UQCC1: variants seen among roughly 807,000 people sequenced by gnomAD.
The protein encoded by UQCC1 is bFGF-repressed Zic-binding protein.
UQCC1 carries 38 observed loss-of-function variants against 48.0 expected under a neutral mutation model. The observed-to-expected ratio is 0.79, with a 90% CI of 0.61 to 1.04. The LOEUF is 1.04. Ranked by LOEUF, UQCC1 falls within the 50% of genes least tolerant of loss-of-function variation. UQCC1 has a pLI of 0.00. For synonymous variants in UQCC1, 111 were observed against 129.2 expected (o/e 0.86, Z 0.95); for missense variants, 368 against 381.8 (o/e 0.96, Z 0.30).
intron 5 of UQCC1, among the ~76,000 whole-genome samples, chr20:35,370,273 C>G (rs2061716108): frequency 1.3e-5 from 2 of 150,980 alleles, no homozygotes; most frequent in South Asian, 4.2e-4. Flanking sequence ...TCTTGAACTC[C>G]TCAGCTCAAG....
chr20:35,316,391 G>T (rs2061059339), intron 7 of UQCC1, among the ~76,000 whole-genome samples: 1 of 152,140 alleles, frequency 6.6e-6, no homozygotes, highest in Admixed American at 6.5e-5. Flanking sequence ...ATAAAGCTGA[G>T]ATCAGCATCC....
In UQCC1 at chr20:35,384,042, C is replaced by T. The variant is rs981500822; in HGVS notation, c.221G>A (p.Arg74His). 17 of 1,610,876 alleles carry T rather than the reference C, an allele frequency of 1.1e-5. No individual in the cohort carries two copies. Among genetic ancestry groups the T allele is most frequent in the Admixed American group, 5.0e-5 (3 of 59,922 alleles). Residue 74 changes from arginine (R) to histidine (H), a missense_variant, in exon 3 of 10, where the codon CGT becomes CAT. Transcript: ENST00000374385. ...GAATGCACTGATAATTCTCACCTTA[C>T]GTGTGGTGTGATACTTCCTATTCAG... The part of the protein sequence containing the change: ...IQLNRKYHTT[R>H]KLSTTKDSPQ...
At chr20:35,327,189 A>C (rs1339122285) in intron 7 of UQCC1, among the ~76,000 whole-genome samples, 1 of 152,204 alleles carries the variant, frequency 6.6e-6, no homozygotes, top group Non-Finnish European at 1.5e-5. Flanking sequence ...GGTCACCCTA[A>C]TGAACTGAAT....
intron 5 of UQCC1, among the ~76,000 whole-genome samples, chr20:35,371,213 T>C (rs2146452579): frequency 6.6e-6 from 1 of 152,314 alleles, no homozygotes; most frequent in African/African-American, 2.4e-5. Flanking sequence ...CCTTCAATAA[T>C]GAACAGCTGG....
intron 7 of UQCC1, among the ~76,000 whole-genome samples, chr20:35,342,049 C>A (rs558351584): frequency 5.9e-4 from 90 of 152,248 alleles, no homozygotes; most frequent in Non-Finnish European, 1.2e-3. Context: ...AAGTTCAGCC[C>A]ACAGTTCCTC....
At chr20:35,313,475 A>G (rs1310333558) in intron 8 of UQCC1, among the ~76,000 whole-genome samples, 1 of 152,054 alleles carries the variant, frequency 6.6e-6, no homozygotes, top group Admixed American at 6.5e-5. Context: ...CAAGTTGCAG[A>G]ATCATGTGTC....
chr20:35,308,459 C>G (rs3795159), intron 8 of UQCC1, among the ~76,000 whole-genome samples: 71,181 of 152,220 alleles, frequency 0.47, 17,976 homozygotes, highest in African/African-American at 0.67. Context: ...ATTGGGAGCG[C>G]GTGTTATGGG....
At position 35,411,971 on chromosome 20, in the gene UQCC1, A is replaced by C; in HGVS notation, c.-8T>G. On this transcript the variant is annotated 5_prime_UTR_variant, in exon 1 of 10. The change creates a new upstream start codon in the 5' untranslated region. Coordinates refer to ENST00000374385, the MANE Select transcript of UQCC1 (RefSeq NM_018244.5). ...TCGCACCAGCAACGCCATGTTCCTC[A>C]ATAACCATTTCCGGGTGAAGAGTGA... The C allele has an allele frequency of 6.2e-7, 1 of 1,614,152 alleles. No homozygotes were observed. The highest frequency in any genetic ancestry group is 1.1e-5 in the South Asian group (1 of 91,074).
intron 7 of UQCC1, among the ~76,000 whole-genome samples, chr20:35,335,298 T>C (rs1217426377): frequency 6.6e-6 from 1 of 152,174 alleles, no homozygotes; most frequent in African/African-American, 2.4e-5. Context: ...CATAAACTTA[T>C]ATATGAATGT....
chr20:35,309,060 C>T, intron 8 of UQCC1: 1 of 443,436 alleles, frequency 2.3e-6, no homozygotes, highest in South Asian at 1.6e-5. Flanking sequence ...TAGAGGCTAG[C>T]TAACTGATGG....
chr20:35,384,172 C>T (rs759968750), intron 2 of UQCC1, 39 bp from the exon 3 acceptor site: 2 of 1,532,262 alleles, frequency 1.3e-6, no homozygotes, highest in South Asian at 1.1e-5. Flanking sequence ...ACACTGAGCA[C>T]TTACAGGGTT....
Position 35,384,262 on chromosome 20 carries a change from A to C in UQCC1, c.130-129T>G, listed in dbSNP as rs2061911272. ...TAGCCCACTTCCCCGTGATCAGCTC[A>C]CCAGGAAGACCCAAGATCAGCACCT... On this transcript the variant is annotated intron_variant, in intron 2 of 9. Transcript: ENST00000374385. The C allele has an allele frequency of 7.2e-6, 5 of 696,852 alleles. No homozygotes were observed. In the Admixed American group the frequency reaches 1.3e-4, roughly 19 times the overall value. 43.2% of individuals were successfully genotyped at this position (696,852 alleles called of 1,614,324 possible).
intron 6 of UQCC1, among the ~76,000 whole-genome samples, chr20:35,360,550 G>A (rs1426212161): frequency 6.6e-6 from 1 of 151,922 alleles, no homozygotes; most frequent in Non-Finnish European, 1.5e-5. Context: ...TCCCTCAAGC[G>A]ATCATCCCCT....
At chr20:35,379,119 G>C (rs996514001) in intron 4 of UQCC1, among the ~76,000 whole-genome samples, 1 of 152,158 alleles carries the variant, frequency 6.6e-6, no homozygotes, top group Non-Finnish European at 1.5e-5. Context: ...GGTAAATATT[G>C]TGCTTATCTC....
chr20:35,332,753 C>T (rs555494310), intron 7 of UQCC1, among the ~76,000 whole-genome samples: 7 of 152,212 alleles, frequency 4.6e-5, no homozygotes, highest in Non-Finnish European at 8.8e-5. Flanking sequence ...TTTAAGCCCA[C>T]AGGACATAAG....
intron 7 of UQCC1, among the ~76,000 whole-genome samples, chr20:35,334,586 C>T (rs2061294524): frequency 6.6e-6 from 1 of 152,204 alleles, no homozygotes; most frequent in African/African-American, 2.4e-5. Flanking sequence ...AATTTAAAAA[C>T]ATTATAATTT....
intron 6 of UQCC1, among the ~76,000 whole-genome samples, chr20:35,358,718 C>T (rs914684566): frequency 2.0e-5 from 3 of 152,108 alleles, no homozygotes; most frequent in African/African-American, 4.8e-5. Flanking sequence ...CACCACCACA[C>T]CCAGCCAATT....
chr20:35,401,577 C>A (rs1393059785), intron 1 of UQCC1, among the ~76,000 whole-genome samples: 2 of 149,462 alleles, frequency 1.3e-5, no homozygotes, highest in African/African-American at 4.9e-5. Context: ...TTTGGGGTTT[C>A]AAATAAATTT....
chr20:35,382,732 G>A (rs1486997197), intron 3 of UQCC1, among the ~76,000 whole-genome samples: 2 of 151,262 alleles, frequency 1.3e-5, no homozygotes, highest in Admixed American at 6.6e-5. Context: ...GGATGGTCTA[G>A]ATCTCCTGAC....
Sources: gnomAD v4.1 joint callset for allele counts (sites outside exome capture counted in the v4.1 genomes callset) on GRCh38, gnomAD v4.1.1 for gene constraint, MANE v1.5 for transcripts, NCBI Gene and HGNC (gene_info 2026-07-23, HGNC 2026-07-21) for gene names.